Variants in PYGB observed in about 807,000 individuals in gnomAD.
The protein encoded by PYGB is glycogen phosphorylase B.
A neutral mutation model predicts 94.3 loss-of-function variants in PYGB; 82 were observed. That is an observed-to-expected ratio of 0.87 (90% confidence interval 0.73 to 1.04). PYGB has a LOEUF of 1.04. PYGB is among the 50% of genes least tolerant of loss of function. PYGB has a pLI of 0.00. For missense variants in PYGB, 1,132 were observed against 1,158.2 expected (o/e 0.98, Z 0.33); for synonymous variants, 488 against 479.1 (o/e 1.02, Z -0.24).
intron 17 of PYGB, among the ~76,000 whole-genome samples, chr20:25,293,293 A>G (rs2424704): frequency 0.45 from 68,741 of 151,516 alleles, 16,213 homozygotes; most frequent in East Asian, 0.92. Context: ...ACTCCATTCC[A>G]ACTCCACCGG....
intron 15 of PYGB, 92 bp from the exon 16 acceptor site, chr20:25,290,389 C>T (rs2088455395): frequency 4.7e-6 from 7 of 1,500,858 alleles, no homozygotes; most frequent in Non-Finnish European, 6.4e-6. Flanking sequence ...TGGCTCTAGC[C>T]TCACCCCCCT....
chr20:25,259,258 G>A lies in PYGB; in HGVS notation c.265G>A (p.Glu89Lys), dbSNP rs760952897. Residue 89 changes from glutamate (E) to lysine (K), a missense_variant, in exon 2 of 20, where the codon GAA becomes AAA. Coordinates refer to ENST00000216962, the MANE Select transcript of PYGB (RefSeq NM_002862.4). ...DPKRIYYLSL[E>K]FYMGRTLQNT... is the part of the protein sequence containing the mutation. ...TCAGCGCATTTATTATCTTTCCCTG[G>A]AATTCTACATGGGTCGCACGCTGCA... is the stretch of plus-strand genomic sequence containing the variant. The A allele has an allele frequency of 6.2e-7, 1 of 1,607,470 alleles. No individual in the cohort carries two copies. The highest frequency in any genetic ancestry group is 8.5e-7 in the Non-Finnish European group (1 of 1,173,982).
At chr20:25,294,016 T>C in intron 17 of PYGB, 142 bp from the exon 18 acceptor site, 1 of 1,156,272 alleles carries the variant, frequency 8.6e-7, no homozygotes, top group South Asian at 1.5e-5. Flanking sequence ...CCATGGCCAC[T>C]GGCTGCTGCC....
At chr20:25,257,844 G>C (rs1414690325) in intron 1 of PYGB, among the ~76,000 whole-genome samples, 2 of 152,192 alleles carry the variant, frequency 1.3e-5, no homozygotes, top group African/African-American at 4.8e-5. Context: ...TGCCTGGACA[G>C]TGCCTGTGGC....
At chr20:25,277,995 T>C (rs929371202) in intron 7 of PYGB, among the ~76,000 whole-genome samples, 25 of 152,200 alleles carry the variant, frequency 1.6e-4, no homozygotes, top group Non-Finnish European at 3.2e-4. Flanking sequence ...AAGAGTGCAC[T>C]CCCCTGTCCC....
intron 11 of PYGB, 151 bp downstream of exon 11, chr20:25,281,263 A>G: frequency 1.8e-6 from 2 of 1,132,622 alleles, no homozygotes; most frequent in South Asian, 3.2e-5. Flanking sequence ...AGCTGCCCAG[A>G]ACACCCTGTC....
chr20:25,271,859 G>A (rs780164614), intron 4 of PYGB, among the ~76,000 whole-genome samples: 17 of 152,230 alleles, frequency 1.1e-4, no homozygotes, highest in Non-Finnish European at 2.1e-4. Flanking sequence ...TGGTACTTTC[G>A]GGGTCAGCCT....
At chr20:25,279,274 A>G (rs2261698) in intron 9 of PYGB, 125 bp downstream of exon 9, 479,175 of 1,042,226 alleles carry the variant, frequency 0.46, 115,122 homozygotes, top group East Asian at 0.92. Context: ...CATCATGCCC[A>G]GGAGAGACGC....
At chr20:25,287,087 C>A (rs1033533905) in intron 14 of PYGB, among the ~76,000 whole-genome samples, 1 of 152,214 alleles carries the variant, frequency 6.6e-6, no homozygotes, top group Non-Finnish European at 1.5e-5. Flanking sequence ...GGCCGCTCAT[C>A]CCCTTTTTGT....
In PYGB at chr20:25,283,165, A is replaced by G. The variant is rs199967218; in HGVS notation, c.1519-11A>G. On this transcript the variant is annotated splice_polypyrimidine_tract_variant and intron_variant, in intron 12 of 19. Coordinates refer to ENST00000216962, the MANE Select transcript of PYGB (RefSeq NM_002862.4). ...GAGGCCCACAGTGAGCGGAACCTTTACGTTCTCCAGAAAATTGGGGAGGAG... is the reference window on the plus strand; with the variant it reads ...GAGGCCCACAGTGAGCGGAACCTTTGCGTTCTCCAGAAAATTGGGGAGGAG... 5.0e-6 allele frequency: 8 copies of G among 1,608,652 alleles called. No individual in the cohort carries two copies. The highest frequency in any genetic ancestry group is 6.8e-6 in the Non-Finnish European group (8 of 1,175,432).
chr20:25,276,340 G>C (rs1209040940), intron 5 of PYGB, among the ~76,000 whole-genome samples: 1 of 152,148 alleles, frequency 6.6e-6, no homozygotes, highest in East Asian at 1.9e-4. Context: ...TCAGGGAGTC[G>C]GGATGGGGAT....
At chr20:25,291,917 C>T (rs777568033) in intron 16 of PYGB, among the ~76,000 whole-genome samples, 6 of 108,656 alleles carry the variant, frequency 5.5e-5, no homozygotes, top group African/African-American at 1.7e-4. Context: ...ACAGAGAAAG[C>T]GCAGGGCCGT....
rs7019 is a variant in PYGB at position 25,297,642 on chromosome 20, C to T, written c.*1120C>T. On this transcript the variant is annotated 3_prime_UTR_variant, in exon 20 of 20. Coordinates refer to ENST00000216962, the MANE Select transcript of PYGB (RefSeq NM_002862.4). ...CCTCCCCAAGGCTGGCAACCTGCCT[C>T]CCATTGCCCAAGAGAGAGGGCAGGG... 0.4 allele frequency: 61,568 copies of T among 152,268 alleles called. 13,547 individuals are homozygous for T. The highest frequency in any genetic ancestry group is 0.92 in the East Asian group (4,736 of 5,174). The allele number at this position is 152,268 out of a possible 1,614,324, so 9.4% of individuals were successfully genotyped here. A position where few individuals can be genotyped will look rare whatever the true frequency, so the allele number is the denominator to read the frequency against.
intron 3 of PYGB, among the ~76,000 whole-genome samples, chr20:25,270,044 C>T (rs2088252104): frequency 6.6e-6 from 1 of 152,162 alleles, no homozygotes; most frequent in African/African-American, 2.4e-5. Flanking sequence ...AGGCGAGTCC[C>T]CAGAACAAGA....
Position 25,266,604 on chromosome 20 carries a change from G to A in PYGB, c.346-2525G>A, listed in dbSNP as rs2088220443. The stretch of plus-strand genomic sequence containing the variant: ...TAAATAAAGACAACCTACAAAATGA[G>A]AGAAAATATTTATAAATCCTAAATC... On this transcript the variant is annotated intron_variant, in intron 2 of 19. Coordinates refer to ENST00000216962, the MANE Select transcript of PYGB (RefSeq NM_002862.4). 2.0e-5 allele frequency among the ~76,000 whole-genome samples: 3 copies of A among 152,096 alleles called. No homozygotes were observed. In the South Asian group the frequency reaches 6.2e-4, roughly 31 times the overall value.
In PYGB at chr20:25,283,275, C is replaced by T. The variant is rs1360439266; in HGVS notation, c.1618C>T (p.Gln540Ter). Residue 540 changes from glutamine to a stop codon, truncating the protein, a stop_gained and splice_region_variant, in exon 13 of 20, where the codon CAG becomes TAG. Transcript: ENST00000216962. LOFTEE classifies it high-confidence loss of function. The part of the protein sequence containing the change: ...VFIRDVAKVK[Q>*]ENKLKFSAFL... ...CATCAGGGACGTGGCCAAGGTCAAA[C>T]AGGTAGGCATGGCCCTGGCCCCAGC... 1 of 1,612,746 alleles carries T rather than the reference C, an allele frequency of 6.2e-7. No homozygotes were observed. The highest frequency in any genetic ancestry group is 2.2e-5 in the East Asian group (1 of 44,884).
In PYGB at chr20:25,280,630, G is replaced by A. The variant is rs555167172; in HGVS notation, c.1239+218G>A. ...TTCCTCTTTGTAAATTAAATTGCACGTCCTCTCCCTCAGACCCATCTTCCT... is the reference window on the plus strand; with the variant it reads ...TTCCTCTTTGTAAATTAAATTGCACATCCTCTCCCTCAGACCCATCTTCCT... On this transcript the variant is annotated intron_variant, in intron 10 of 19. Transcript: ENST00000216962. 6.6e-5 allele frequency among the ~76,000 whole-genome samples: 10 copies of A among 152,330 alleles called. No individual in the cohort carries two copies. In the South Asian group the frequency reaches 1.2e-3, roughly 19 times the overall value.
chr20:25,252,370 C>T (rs576118718), intron 1 of PYGB, among the ~76,000 whole-genome samples: 1 of 152,162 alleles, frequency 6.6e-6, no homozygotes, highest in African/African-American at 2.4e-5. Context: ...CTGGGGGGGT[C>T]GGGGGGTGGT....
chr20:25,294,676 C>T (rs952390663), intron 18 of PYGB: 4 of 578,942 alleles, frequency 6.9e-6, no homozygotes, highest in South Asian at 3.8e-5. Context: ...ACAAGGGCTG[C>T]GGAACCGCGG....
Sources: allele counts gnomAD v4.1 joint callset (sites outside exome capture counted in the v4.1 genomes callset), GRCh38; gene constraint gnomAD v4.1.1; transcripts MANE v1.5; gene names NCBI Gene and HGNC (gene_info 2026-07-23, HGNC 2026-07-21).